Variants in TF observed in about 807,000 individuals in gnomAD.
TF encodes the protein transferrin.
TF carries 55 observed loss-of-function variants against 82.4 expected under a neutral mutation model. The observed-to-expected ratio is 0.67, with a 90% CI of 0.54 to 0.84. The LOEUF (loss-of-function observed/expected upper bound fraction) is 0.84, where lower values mean the gene tolerates loss of function less well. Among genes scored for constraint, TF ranks in the 40% least tolerant of loss-of-function variants. The pLI is 0.00. For missense variants in TF, 737 were observed against 868.4 expected, an observed-to-expected ratio of 0.85 and a Z score of 1.90; for synonymous variants, 332 against 332.6, an observed-to-expected ratio of 1.00 and a Z score of 0.02.
chr3:133,759,059 CTGTT>C (rs1933913421), intron 8 of TF, 112 bp from the exon 9 acceptor site: 8 of 1,291,674 alleles, frequency 6.2e-6, no homozygotes, highest in Non-Finnish European at 8.9e-6. Flanking sequence ...TGAATGGGGT[CTGTT>C]TGTTTATTGC....
At chr3:133,711,158 T>C in the TF span, among the ~76,000 whole-genome samples, 1 of 152,310 alleles carries the variant, frequency 6.6e-6, no homozygotes, top group Admixed American at 6.5e-5. Flanking sequence ...AATGAAACTC[T>C]TTTTCCCAAT....
chr3:133,695,878 G>T, the TF span, among the ~76,000 whole-genome samples: 1 of 152,196 alleles, frequency 6.6e-6, no homozygotes, highest in African/African-American at 2.4e-5. Flanking sequence ...TAACAGGTAG[G>T]TAACGTAGAC....
the TF span, among the ~76,000 whole-genome samples, chr3:133,725,150 G>A: frequency 6.6e-6 from 1 of 152,080 alleles, no homozygotes; most frequent in African/African-American, 2.4e-5. Flanking sequence ...CTCTTTTTTG[G>A]TTCCATATGA....
chr3:133,711,274 G>T, the TF span, among the ~76,000 whole-genome samples: 21 of 152,258 alleles, frequency 1.4e-4, 1 homozygote, highest in African/African-American at 5.1e-4. Context: ...CTAGGTAAAT[G>T]CTTTTTATCT....
chr3:133,741,602 A>G (rs1170607256), upstream of TF, among the ~76,000 whole-genome samples: 1 of 152,196 alleles, frequency 6.6e-6, no homozygotes, highest in Non-Finnish European at 1.5e-5. Context: ...GGTTTGTCGA[A>G]TAAATTTGCT....
At chr3:133,765,847 T>C (rs535219227) in intron 11 of TF, among the ~76,000 whole-genome samples, 11 of 152,308 alleles carry the variant, frequency 7.2e-5, no homozygotes, top group African/African-American at 2.6e-4. Context: ...ATATTCTCCT[T>C]ATCAGAAAAT....
At chr3:133,686,164 G>C in the TF span, among the ~76,000 whole-genome samples, 1 of 152,208 alleles carries the variant, frequency 6.6e-6, no homozygotes, top group African/African-American at 2.4e-5. Context: ...GCTGAAACTG[G>C]ATCCCTTCCT....
At chr3:133,708,362 A>G in the TF span, among the ~76,000 whole-genome samples, 3 of 152,182 alleles carry the variant, frequency 2.0e-5, no homozygotes, top group African/African-American at 7.2e-5. Context: ...ACATAGCAAG[A>G]TTCTATTGAA....
At chr3:133,690,691 C>G in the TF span, among the ~76,000 whole-genome samples, 3 of 152,264 alleles carry the variant, frequency 2.0e-5, no homozygotes, top group East Asian at 3.9e-4. Context: ...TAAGCAGTCT[C>G]TATAAGACTG....
chr3:133,764,274 T>C lies in TF; in HGVS notation c.1296T>C (p.Asn432=). The change falls in exon 10 of 17, where the codon AAT becomes AAC. Residue 432 remains asparagine, a splice_region_variant and synonymous_variant. Coordinates refer to ENST00000402696, the MANE Select transcript of TF (RefSeq NM_001063.4). ...TGCCTGTCTTGGCAGAAAACTACAA[T>C]AGTAAGTGGTGGGGAGCACCTCTCT... ...GLVPVLAENY[N]KSDNCEDTPE... The C allele has an allele frequency of 6.2e-7, 1 of 1,612,530 alleles. No homozygotes were observed. Among genetic ancestry groups the C allele is most frequent in the Non-Finnish European group, 8.5e-7 (1 of 1,178,628 alleles).
the TF span, among the ~76,000 whole-genome samples, chr3:133,740,088 G>A: frequency 1.3e-5 from 2 of 152,156 alleles, no homozygotes; most frequent in Non-Finnish European, 2.9e-5. Context: ...CAACCCAAAT[G>A]CCCATCAATG....
At chr3:133,684,361 A>G in the TF span, among the ~76,000 whole-genome samples, 2 of 152,330 alleles carry the variant, frequency 1.3e-5, no homozygotes, top group Admixed American at 1.3e-4. Context: ...TCAGAGCAGA[A>G]CTGAAGGAGA....
At chr3:133,731,679 A>T in the TF span, among the ~76,000 whole-genome samples, 2 of 152,250 alleles carry the variant, frequency 1.3e-5, no homozygotes, top group Non-Finnish European at 2.9e-5. Flanking sequence ...TCTATTGGTC[A>T]GACAGAGCAA....
upstream of TF, among the ~76,000 whole-genome samples, chr3:133,745,288 AC>A: frequency 6.6e-6 from 1 of 152,350 alleles, no homozygotes; most frequent in Non-Finnish European, 1.5e-5. Context: ...ATAAGAAGTA[AC>A]TTTTGGCAAA....
the TF span, chr3:133,707,521 AT>A: frequency 6.6e-6 from 1 of 152,148 alleles, no homozygotes; most frequent in African/African-American, 2.4e-5. Context: ...CACTGCCACC[AT>A]TTAACTGAAG....
the TF span, among the ~76,000 whole-genome samples, chr3:133,703,162 A>G: frequency 6.6e-6 from 1 of 152,212 alleles, no homozygotes; most frequent in Non-Finnish European, 1.5e-5. Context: ...CTTTGTATCT[A>G]TAAATGCCTA....
At chr3:133,763,590 A>T (rs1934049360) in intron 9 of TF, among the ~76,000 whole-genome samples, 2 of 152,230 alleles carry the variant, frequency 1.3e-5, no homozygotes, top group Admixed American at 1.3e-4. Flanking sequence ...ATGGTTTATT[A>T]CTAGAAAGTA....
At chr3:133,755,231 G>A (rs1049254751) in intron 4 of TF, 132 bp from the exon 5 acceptor site, 9 of 1,165,398 alleles carry the variant, frequency 7.7e-6, no homozygotes, top group Middle Eastern at 2.7e-4. Flanking sequence ...GTTAGCATAA[G>A]GGCAAGCTGG....
chr3:133,748,392 C>T lies in TF; in HGVS notation c.44-20C>T, dbSNP rs1179896581. 3.1e-6 allele frequency: 5 copies of T among 1,613,794 alleles called. No individual in the cohort carries two copies. The highest frequency in any genetic ancestry group is 4.5e-5 in the East Asian group (2 of 44,888). On this transcript the variant is annotated intron_variant, in intron 1 of 16. Transcript: ENST00000402696. ...CAGCATAGGGAGTGGGCCCTTCCAC[C>T]TCTGGCCTCTCTCCCCCAGGGCTGT...
Sources: gnomAD v4.1 joint callset for allele counts (sites outside exome capture counted in the v4.1 genomes callset) on GRCh38, gnomAD v4.1.1 for gene constraint, MANE v1.5 for transcripts, NCBI Gene and HGNC (gene_info 2026-07-23, HGNC 2026-07-21) for gene names.